Variants in HDAC4 observed in about 807,000 individuals in gnomAD.
The protein encoded by HDAC4 is histone deacetylase 4.
In HDAC4, 16 loss-of-function variants were observed where a neutral mutation model predicts 135.1. The ratio of observed to expected loss-of-function variants is 0.12; its 90% CI spans 0.08 to 0.18. The LOEUF (loss-of-function observed/expected upper bound fraction) is 0.18, where lower values mean the gene tolerates loss of function less well. Among genes scored for constraint, HDAC4 ranks in the 10% least tolerant of loss-of-function variants. HDAC4 has a pLI of 1.00. For missense variants in HDAC4, 1,143 were observed against 1,511.8 expected, an observed-to-expected ratio of 0.76 and a Z score of 4.05; for synonymous variants, 685 against 653.4, an observed-to-expected ratio of 1.05 and a Z score of -0.74.
chr2:239,234,660 T>C (rs952729733), intron 3 of HDAC4, among the ~76,000 whole-genome samples: 2 of 152,322 alleles, frequency 1.3e-5, no homozygotes, highest in African/African-American at 2.4e-5. Flanking sequence ...AACTGAGCTA[T>C]TCAGCAACTC....
intron 4 of HDAC4, among the ~76,000 whole-genome samples, chr2:239,184,594 C>T (rs1444870400): frequency 7.2e-6 from 1 of 138,290 alleles, no homozygotes; most frequent in African/African-American, 2.8e-5. Context: ...CGGGGGGGGT[C>T]CCTCAGTGTC....
chr2:239,229,517 C>T (rs2047421888), intron 3 of HDAC4, among the ~76,000 whole-genome samples: 1 of 152,128 alleles, frequency 6.6e-6, no homozygotes, highest in Admixed American at 6.5e-5. Flanking sequence ...TTATTTTAAG[C>T]CAAATACGAG....
chr2:239,187,599 G>A (rs1376372953), intron 4 of HDAC4, among the ~76,000 whole-genome samples: 1 of 152,190 alleles, frequency 6.6e-6, no homozygotes, highest in East Asian at 1.9e-4. Flanking sequence ...AGCTGCAGTT[G>A]CCCATGGTCA....
At chr2:239,315,150 A>G (rs1374887152) in intron 2 of HDAC4, among the ~76,000 whole-genome samples, 1 of 152,134 alleles carries the variant, frequency 6.6e-6, no homozygotes, top group Non-Finnish European at 1.5e-5. Flanking sequence ...TCTACCTATA[A>G]TCTGAAAGCC....
intron 3 of HDAC4, among the ~76,000 whole-genome samples, chr2:239,198,767 C>G (rs1178900840): frequency 6.6e-6 from 1 of 152,154 alleles, no homozygotes; most frequent in Non-Finnish European, 1.5e-5. Context: ...TGACCTTTCT[C>G]TGGAATATAT....
chr2:239,108,678 G>A lies in HDAC4; in HGVS notation c.1979-495C>T, dbSNP rs150245006. On this transcript the variant is annotated intron_variant, in intron 14 of 26. Coordinates refer to ENST00000543185, the MANE Select transcript of HDAC4 (RefSeq NM_001378414.1). ...ACGGAGAACTGTCCAAGGTACTTGA[G>A]ATTCCAAAGAAACACCAGATTCGAG... Among the ~76,000 whole-genome samples, 211 of 152,332 alleles carry A rather than the reference G, an allele frequency of 1.4e-3. 2 individuals are homozygous for A. Among genetic ancestry groups the A allele is most frequent in the African/African-American group, 5.0e-3 (208 of 41,578 alleles).
intron 2 of HDAC4, among the ~76,000 whole-genome samples, chr2:239,294,183 G>A (rs1490388434): frequency 6.6e-6 from 1 of 152,184 alleles, no homozygotes; most frequent in Non-Finnish European, 1.5e-5. Context: ...AAACAGAAGT[G>A]CCCCATGATC....
chr2:239,106,441 T>C (rs1177306302), intron 15 of HDAC4, among the ~76,000 whole-genome samples: 3 of 152,148 alleles, frequency 2.0e-5, no homozygotes, highest in African/African-American at 7.2e-5. Flanking sequence ...TGTCTGGTCC[T>C]GTGGAGGGAA....
rs933061198 is a variant in HDAC4, at chr2:239,115,991, C to T, written c.1534-681G>A. 3.3e-5 allele frequency among the ~76,000 whole-genome samples: 5 copies of T among 152,108 alleles called. No homozygotes were observed. Among genetic ancestry groups the T allele is most frequent in the Admixed American group, 1.3e-4 (2 of 15,276 alleles). On this transcript the variant is annotated intron_variant, in intron 12 of 26. Transcript: ENST00000543185. This position sits in a 1 kb window ranked among gnomAD's most constrained non-coding sequence, Gnocchi z 6.3. ...TGCCCCGCTATGGGGCCCCAAGAAC[C>T]GCAACATCCTCCCTCCTGTGGGACT... is the stretch of plus-strand genomic sequence containing the variant.
In HDAC4 at chr2:239,138,547, G is replaced by A. The variant is rs1372416120; in HGVS notation, c.978+1137C>T. The stretch of plus-strand genomic sequence containing the variant: ...CCCACTCAGTAGAACTCTGCCCCAT[G>A]AAGCAGACACAGCATTTCCAGCTCA... On this transcript the variant is annotated intron_variant, in intron 9 of 26. Coordinates refer to ENST00000543185, the MANE Select transcript of HDAC4 (RefSeq NM_001378414.1). Among the ~76,000 whole-genome samples the A allele has an allele frequency of 1.1e-4, 17 of 152,244 alleles. 1 individual carries two copies. The highest frequency in any genetic ancestry group is 1.1e-3 in the Admixed American group (17 of 15,286).
At chr2:239,092,941 G>T (rs888309222) in intron 17 of HDAC4, among the ~76,000 whole-genome samples, 3 of 152,062 alleles carry the variant, frequency 2.0e-5, no homozygotes, top group African/African-American at 7.2e-5. Flanking sequence ...CAGGAAAAAG[G>T]CGGGGGGAAA....
At chr2:239,236,876 G>C (rs1372078938) in intron 2 of HDAC4, among the ~76,000 whole-genome samples, 1 of 151,966 alleles carries the variant, frequency 6.6e-6, no homozygotes, top group Non-Finnish European at 1.5e-5. Flanking sequence ...TATGGCAAAC[G>C]CCCGTTTCTG....
chr2:239,390,608 T>G (rs1384854430), intron 1 of HDAC4, among the ~76,000 whole-genome samples: 2 of 151,940 alleles, frequency 1.3e-5, no homozygotes, highest in African/African-American at 4.8e-5. Context: ...TAGAGTGCCT[T>G]TCCCACCCTC....
chr2:239,277,369 G>A (rs2050430564), intron 2 of HDAC4, among the ~76,000 whole-genome samples: 1 of 152,200 alleles, frequency 6.6e-6, no homozygotes, highest in South Asian at 2.1e-4. Context: ...TTACCAGAAG[G>A]GAAGCTGGGG....
In HDAC4 at chr2:239,352,668, C is replaced by A. The variant is rs745882341; in HGVS notation, c.22+10G>T. ...GCTGTGTGCCCAGAGAAGAAATGAC[C>A]CGGCCTTACCTGGATGGCTTTGGGA... On this transcript the variant is annotated intron_variant, in intron 2 of 26. Transcript: ENST00000543185. The surrounding 1 kb of genome is among the most constrained non-coding windows in gnomAD (Gnocchi z 4.4). The A allele has an allele frequency of 7.8e-5, 121 of 1,554,558 alleles. No individual in the cohort carries two copies. Among genetic ancestry groups the A allele is most frequent in the Non-Finnish European group, 9.5e-5 (109 of 1,148,164 alleles).
At chr2:239,388,853 G>T (rs1366346902) in intron 1 of HDAC4, among the ~76,000 whole-genome samples, 1 of 152,206 alleles carries the variant, frequency 6.6e-6, no homozygotes, top group Non-Finnish European at 1.5e-5. Flanking sequence ...CTTTCCCACT[G>T]GCCATTTTGG....
At chr2:239,399,140 T>C (rs1696766602) in intron 1 of HDAC4, among the ~76,000 whole-genome samples, 1 of 152,180 alleles carries the variant, frequency 6.6e-6, no homozygotes, top group Non-Finnish European at 1.5e-5. Flanking sequence ...CGATCAGTCT[T>C]AAAAATAGGT....
chr2:239,358,650 A>C (rs553498623), intron 1 of HDAC4, among the ~76,000 whole-genome samples: 2 of 152,202 alleles, frequency 1.3e-5, no homozygotes, highest in African/African-American at 2.4e-5. Context: ...ACACTTGAAT[A>C]ATCATGAGTC....
At chr2:239,160,450 C>A (rs527670417) in intron 6 of HDAC4, among the ~76,000 whole-genome samples, 2 of 152,334 alleles carry the variant, frequency 1.3e-5, no homozygotes, top group East Asian at 3.9e-4. Flanking sequence ...CACGTAAACA[C>A]CCACAGAGTC....
Sources: gnomAD v4.1 joint callset for allele counts (sites outside exome capture counted in the v4.1 genomes callset) on GRCh38, gnomAD v4.1.1 for gene constraint, Gnocchi (gnomAD v3.1) non-coding constraint, MANE v1.5 for transcripts, NCBI Gene and HGNC (gene_info 2026-07-23, HGNC 2026-07-21) for gene names.